Variants in RUNX2 observed in about 807,000 individuals in gnomAD.
The protein encoded by RUNX2 is runt-related transcription factor 2.
RUNX2 carries 10 observed loss-of-function variants against 51.7 expected under a neutral mutation model. The observed-to-expected ratio is 0.19, with a 90% confidence interval of 0.12 to 0.33. The LOEUF is 0.33. RUNX2 is among the 10% of genes least tolerant of loss of function. The probability of loss-of-function intolerance (pLI) is 1.00; values close to 1 mark genes in which losing one functional copy is unlikely to be tolerated. For synonymous variants in RUNX2, 276 were observed against 273.6 expected (o/e 1.01, Z -0.09); for missense variants, 562 against 691.3 (o/e 0.81, Z 2.10).
At chr6:45,532,566 T>C (rs183691622) in intron 7 of RUNX2, among the ~76,000 whole-genome samples, 3 of 152,292 alleles carry the variant, frequency 2.0e-5, no homozygotes, top group African/African-American at 7.2e-5. Context: ...TTAAAATTGC[T>C]ATCCATGGCC....
chr6:45,458,393 C>G (rs1008584975), intron 5 of RUNX2, among the ~76,000 whole-genome samples: 9 of 152,160 alleles, frequency 5.9e-5, no homozygotes, highest in African/African-American at 1.7e-4. Context: ...TGTTAAGCAT[C>G]TTACATTCTT....
At chr6:45,372,942 CA>C (rs1173353211) in intron 2 of RUNX2, among the ~76,000 whole-genome samples, 1 of 152,022 alleles carries the variant, frequency 6.6e-6, no homozygotes, top group Admixed American at 6.6e-5. Context: ...CTCAGCCTCC[CA>C]AGTAGCAGGT....
intron 2 of RUNX2, among the ~76,000 whole-genome samples, chr6:45,370,846 T>C (rs1306013346): frequency 5.3e-5 from 8 of 152,160 alleles, no homozygotes; most frequent in Admixed American, 2.0e-4. Context: ...ATATCCTCCT[T>C]CTTTAGTCTC....
At chr6:45,505,175 A>C (rs987651191) in intron 6 of RUNX2, among the ~76,000 whole-genome samples, 1 of 152,110 alleles carries the variant, frequency 6.6e-6, no homozygotes, top group South Asian at 2.1e-4. Context: ...ATCCTCCTTC[A>C]CACCCACACA....
intron 7 of RUNX2, among the ~76,000 whole-genome samples, chr6:45,518,077 A>G (rs1801387877): frequency 6.6e-6 from 1 of 152,372 alleles, no homozygotes; most frequent in East Asian, 1.9e-4. Flanking sequence ...AGAAAGTTAA[A>G]GCAACCATAA....
intron 2 of RUNX2, among the ~76,000 whole-genome samples, chr6:45,410,084 T>C (rs1291694737): frequency 6.6e-6 from 1 of 152,232 alleles, no homozygotes; most frequent in African/African-American, 2.4e-5. Context: ...TCTATACTCA[T>C]AGTTCTGTAG....
At chr6:45,410,564 T>C (rs1054227066) in intron 2 of RUNX2, among the ~76,000 whole-genome samples, 7 of 152,188 alleles carry the variant, frequency 4.6e-5, no homozygotes, top group Non-Finnish European at 1.0e-4. Flanking sequence ...GGATAACATG[T>C]TAACATGGCT....
At position 45,550,516 on chromosome 6, in the gene RUNX2, T is replaced by A. The variant is rs1411883342; in HGVS notation, c.*3211T>A. ...GGTTAATACATGGAAACACGAAGCA[T>A]TAGCAAAAGTAATAATTATACCTAT... On this transcript the variant is annotated 3_prime_UTR_variant, in exon 9 of 9. Transcript: ENST00000647337. 2 of 152,502 alleles carry A rather than the reference T, an allele frequency of 1.3e-5. No individual in the cohort carries two copies. Among genetic ancestry groups the A allele is most frequent in the African/African-American group, 2.4e-5 (1 of 41,430 alleles). The allele number at this position is 152,502 out of a possible 1,614,324, so 9.4% of individuals were successfully genotyped here.
chr6:45,460,954 G>A (rs985083461), intron 5 of RUNX2, among the ~76,000 whole-genome samples: 4 of 152,132 alleles, frequency 2.6e-5, no homozygotes, highest in Admixed American at 2.0e-4. Flanking sequence ...TATCCTTAGC[G>A]TGTAATAGAA....
At chr6:45,481,128 T>C (rs772082496) in intron 5 of RUNX2, among the ~76,000 whole-genome samples, 1 of 152,186 alleles carries the variant, frequency 6.6e-6, no homozygotes, top group Non-Finnish European at 1.5e-5. Context: ...TCACTCTCTG[T>C]CTCACATAAA....
At position 45,328,760 on chromosome 6, in the gene RUNX2, C is replaced by T. The variant is rs779487649; in HGVS notation, c.34C>T (p.Pro12Ser). 14 of 1,612,032 alleles carry T rather than the reference C, an allele frequency of 8.7e-6. No individual in the cohort carries two copies. The highest frequency in any genetic ancestry group is 1.2e-5 in the Non-Finnish European group (14 of 1,178,682). Reference sequence around the variant, plus strand: ...AAACAGCCTCTTCAGCACAGTGACACCATGTCAGCAAAACTTCTTTTGGGG... The same window carrying T: ...AAACAGCCTCTTCAGCACAGTGACATCATGTCAGCAAAACTTCTTTTGGGG... The part of the protein sequence containing the change: ...ASNSLFSTVT[P>S]CQQNFFWDPS... The change falls in exon 2 of 9, where the codon CCA (proline) becomes TCA (serine). Residue 12 changes from proline to serine, a missense_variant. Pro to Ser is a moderately conservative substitution (Grantham distance 74, BLOSUM62 -1). Coordinates refer to ENST00000647337, the MANE Select transcript of RUNX2 (RefSeq NM_001024630.4).
chr6:45,524,448 G>T (rs1202269804), intron 7 of RUNX2, among the ~76,000 whole-genome samples: 1 of 152,066 alleles, frequency 6.6e-6, no homozygotes, highest in Non-Finnish European at 1.5e-5. Context: ...TGTATCTAAA[G>T]CTTATCGCCA....
At chr6:45,531,620 G>T (rs1221711370) in intron 7 of RUNX2, among the ~76,000 whole-genome samples, 1 of 152,046 alleles carries the variant, frequency 6.6e-6, no homozygotes. Context: ...AGGCGTGGTG[G>T]TGCGCACCTG....
intron 2 of RUNX2, chr6:45,371,748 GAA>G (rs1322240314): frequency 4.0e-6 from 3 of 751,708 alleles, no homozygotes; most frequent in East Asian, 2.6e-4. Flanking sequence ...TTGTTTAAAA[GAA>G]AATCTTAGGT....
At chr6:45,519,643 C>T (rs1381330355) in intron 7 of RUNX2, among the ~76,000 whole-genome samples, 1 of 151,946 alleles carries the variant, frequency 6.6e-6, no homozygotes, top group Non-Finnish European at 1.5e-5. Flanking sequence ...TGGAATCATA[C>T]AATAAGTAAG....
intron 6 of RUNX2, among the ~76,000 whole-genome samples, chr6:45,511,032 TATTAGA>T (rs1470166724): frequency 6.6e-6 from 1 of 152,216 alleles, no homozygotes; most frequent in Non-Finnish European, 1.5e-5. Flanking sequence ...CAGCCTGGTC[TATTAGA>T]ATTTTAAAAA....
At chr6:45,390,848 G>A (rs943157365) in intron 2 of RUNX2, among the ~76,000 whole-genome samples, 1 of 152,190 alleles carries the variant, frequency 6.6e-6, no homozygotes, top group Non-Finnish European at 1.5e-5. Context: ...TGTGGGGCAA[G>A]GGAGTACATT....
chr6:45,478,656 G>A (rs1800026875), intron 5 of RUNX2, among the ~76,000 whole-genome samples: 1 of 152,066 alleles, frequency 6.6e-6, no homozygotes, highest in Non-Finnish European at 1.5e-5. Flanking sequence ...GTGTGTGTGT[G>A]TGTGTGTATT....
chr6:45,509,571 G>A (rs991469457), intron 6 of RUNX2, among the ~76,000 whole-genome samples: 4 of 152,132 alleles, frequency 2.6e-5, no homozygotes, highest in African/African-American at 9.7e-5. Flanking sequence ...TCACTTTTCT[G>A]TATTATGCTG....
Sources: allele counts gnomAD v4.1 joint callset (sites outside exome capture counted in the v4.1 genomes callset), GRCh38; gene constraint gnomAD v4.1.1; transcripts MANE v1.5; gene names NCBI Gene and HGNC (gene_info 2026-07-23, HGNC 2026-07-21).